The following GLP2R variants were observed in gnomAD, a reference collection of about 807,000 sequenced individuals.
GLP2R encodes glucagon-like peptide 2 receptor.
GLP2R carries 59 observed loss-of-function variants against 68.2 expected under a neutral mutation model. The ratio of observed to expected loss-of-function variants is 0.87; its 90% CI spans 0.70 to 1.07. GLP2R has a LOEUF of 1.07. Among genes scored for constraint, GLP2R ranks in the 50% least tolerant of loss-of-function variants. The pLI is 0.00. For synonymous variants in GLP2R, 270 were observed against 265.4 expected (o/e 1.02, Z -0.17); for missense variants, 548 against 677.4 (o/e 0.81, Z 2.12).
chr17:9,884,360 A>G (rs2067222966), intron 11 of GLP2R, among the ~76,000 whole-genome samples: 1 of 152,222 alleles, frequency 6.6e-6, no homozygotes, highest in African/African-American at 2.4e-5. Context: ...CCTATTTTAA[A>G]GATGAAAGAA....
Position 9,890,784 on chromosome 17 carries a change from G to C in GLP2R, c.*1079G>C, listed in dbSNP as rs62064479. 29,407 of 152,238 alleles carry C rather than the reference G, an allele frequency of 0.19. 3,755 individuals carry two copies. The highest frequency in any genetic ancestry group is 0.29 in the Non-Finnish European group (19,717 of 68,034). The allele number at this position is 152,238 out of a possible 1,614,324, so 9.4% of individuals were successfully genotyped here. A position where few individuals can be genotyped will look rare whatever the true frequency, so the allele number is the denominator to read the frequency against. ...GGAGGGCCCAGGTAAAGCAATAGGA[G>C]TTTGGCTGGATCTGGACATGCCCAG... is the stretch of plus-strand genomic sequence containing the variant. On this transcript the variant is annotated 3_prime_UTR_variant, in exon 13 of 13. Coordinates refer to ENST00000262441, the MANE Select transcript of GLP2R (RefSeq NM_004246.3).
chr17:9,827,744 CA>C (rs1416003733), intron 1 of GLP2R, among the ~76,000 whole-genome samples: 1 of 152,048 alleles, frequency 6.6e-6, no homozygotes, highest in Non-Finnish European at 1.5e-5. Context: ...GGGCAGATCA[CA>C]AGGTCAGGAG....
At chr17:9,862,448 C>T (rs1276866465) in intron 9 of GLP2R, among the ~76,000 whole-genome samples, 2 of 152,190 alleles carry the variant, frequency 1.3e-5, no homozygotes. Flanking sequence ...ATCCTAACAC[C>T]ATCCACAGGA....
At chr17:9,857,122 A>C (rs1287704785) in intron 5 of GLP2R, among the ~76,000 whole-genome samples, 1 of 152,140 alleles carries the variant, frequency 6.6e-6, no homozygotes, top group Non-Finnish European at 1.5e-5. Flanking sequence ...GGGTTTCACC[A>C]TGTTGGCCAG....
In GLP2R at chr17:9,826,245, T is replaced by C. The variant is rs1373756344; in HGVS notation, c.182T>C (p.Ile61Thr). The change falls in exon 1 of 13, where the codon ATC (isoleucine) becomes ACC (threonine). Residue 61 changes from isoleucine (I) to threonine (T), a missense_variant. By Grantham distance (89) the Ile-to-Thr change is moderately conservative (BLOSUM62 -1). Transcript: ENST00000262441. ...PFLTLVLLVS[I>T]KQVTGSLLEE... Reference sequence around the variant, plus strand: ...CTCACTCTGGTCCTGCTGGTTTCCATCAAGCAAGTAAGAGCAGTTCATTAT... The same window carrying C: ...CTCACTCTGGTCCTGCTGGTTTCCACCAAGCAAGTAAGAGCAGTTCATTAT... 4 of 1,591,918 alleles carry C rather than the reference T, an allele frequency of 2.5e-6. No individual in the cohort carries two copies. Among genetic ancestry groups the C allele is most frequent in the Non-Finnish European group, 2.6e-6 (3 of 1,172,656 alleles).
chr17:9,830,025 G>A (rs539182011), intron 1 of GLP2R, among the ~76,000 whole-genome samples: 13 of 152,308 alleles, frequency 8.5e-5, no homozygotes, highest in Admixed American at 2.0e-4. Flanking sequence ...AAATTCACCC[G>A]TATATCTTCT....
At chr17:9,879,173 G>A (rs915871776) in intron 10 of GLP2R, among the ~76,000 whole-genome samples, 3 of 151,458 alleles carry the variant, frequency 2.0e-5, no homozygotes, top group Admixed American at 6.6e-5. Flanking sequence ...CCAACACTTC[G>A]GGAGACTGAG....
chr17:9,870,699 T>A (rs774168927), intron 9 of GLP2R, 48 bp from the exon 10 acceptor site: 2 of 866,318 alleles, frequency 2.3e-6, no homozygotes, highest in South Asian at 2.7e-5. Flanking sequence ...AGTTCACAGC[T>A]ATGTGGAATT....
chr17:9,859,959 C>A lies in GLP2R; in HGVS notation c.783C>A (p.Arg261=). ...SYLSEMSTSC[R]SVQVLLHYFV... is the part of the protein sequence containing the mutation. ...CTCTGCAGATGTCCACCTCCTGCCG[C>A]TCAGTCCAGGTTCTCTTGCATTACT... The change falls in exon 7 of 13, where the codon CGC becomes CGA. Residue 261 remains arginine (R), a synonymous_variant. Transcript: ENST00000262441. The A allele has an allele frequency of 6.2e-7, 1 of 1,609,360 alleles. No individual in the cohort carries two copies.
At chr17:9,864,481 T>TG (rs1355972418) in intron 9 of GLP2R, among the ~76,000 whole-genome samples, 3 of 114,722 alleles carry the variant, frequency 2.6e-5, no homozygotes, top group African/African-American at 4.3e-5. Context: ...TAGTTTTTTC[T>TG]GTTTTTTTGT....
At position 9,836,635 on chromosome 17, in the gene GLP2R, ATTTAT is replaced by A. The variant is rs1567718477; in HGVS notation, c.382+164_382+168del. On this transcript the variant is annotated intron_variant, in intron 3 of 12. Coordinates refer to ENST00000262441, the MANE Select transcript of GLP2R (RefSeq NM_004246.3). ...TTTATTTTTATGTATGTATGTATAT[ATTTAT>A]TTTTATTTATCTTTGTGGTTACATA... Among the ~76,000 whole-genome samples the A allele has an allele frequency of 2.0e-5, 3 of 151,830 alleles. No homozygotes were observed. In the South Asian group the frequency reaches 6.2e-4, roughly 32 times the overall value.
intron 9 of GLP2R, among the ~76,000 whole-genome samples, chr17:9,867,678 A>G (rs1357741545): frequency 1.3e-5 from 2 of 152,196 alleles, no homozygotes; most frequent in Non-Finnish European, 2.9e-5. Context: ...TACATCATGC[A>G]AGGTCATTCT....
intron 4 of GLP2R, among the ~76,000 whole-genome samples, chr17:9,846,948 T>C (rs2066844422): frequency 6.6e-6 from 1 of 152,128 alleles, no homozygotes; most frequent in Admixed American, 6.5e-5. Context: ...ATACCAGTGG[T>C]GTAGGTGTGT....
At chr17:9,852,303 T>C (rs935395676) in intron 4 of GLP2R, among the ~76,000 whole-genome samples, 2 of 152,172 alleles carry the variant, frequency 1.3e-5, no homozygotes, top group African/African-American at 4.8e-5. Flanking sequence ...CTTCCACTTA[T>C]GAGTGAGGAC....
At chr17:9,849,082 A>C (rs1308794411) in intron 4 of GLP2R, among the ~76,000 whole-genome samples, 1 of 151,702 alleles carries the variant, frequency 6.6e-6, no homozygotes, top group African/African-American at 2.4e-5. Flanking sequence ...ATGGCATATA[A>C]TTTTAATAAT....
intron 2 of GLP2R, among the ~76,000 whole-genome samples, chr17:9,836,039 CAA>C (rs10706067): frequency 0.039 from 3,425 of 87,210 alleles, 38 homozygotes; most frequent in Non-Finnish European, 0.056. Flanking sequence ...ACTCCATCTC[CAA>C]AAAAAAAAAA....
intron 11 of GLP2R, among the ~76,000 whole-genome samples, chr17:9,885,506 A>G (rs1282010605): frequency 6.6e-5 from 10 of 151,966 alleles, no homozygotes; most frequent in Non-Finnish European, 1.5e-4. Flanking sequence ...ACATAACTAG[A>G]CATTGACGCT....
At chr17:9,831,579 A>G (rs1176129654) in intron 1 of GLP2R, among the ~76,000 whole-genome samples, 1 of 152,196 alleles carries the variant, frequency 6.6e-6, no homozygotes, top group East Asian at 1.9e-4. Flanking sequence ...GGAGTTCACC[A>G]GGTGAAAATG....
intron 11 of GLP2R, among the ~76,000 whole-genome samples, chr17:9,881,244 G>T (rs924930844): frequency 3.3e-5 from 5 of 152,058 alleles, no homozygotes; most frequent in Non-Finnish European, 7.4e-5. Context: ...TCTTATTTGG[G>T]TCAAATTTCT....
Sources: gnomAD v4.1 joint callset for allele counts (sites outside exome capture counted in the v4.1 genomes callset) on GRCh38, gnomAD v4.1.1 for gene constraint, MANE v1.5 for transcripts, NCBI Gene and HGNC (gene_info 2026-07-23, HGNC 2026-07-21) for gene names.